The following MAST1 variants were observed in gnomAD, a reference collection of about 807,000 sequenced individuals.
MAST1 encodes the protein microtubule associated serine/threonine kinase 1, also known as microtubule-associated serine/threonine-protein kinase 1.
Under a neutral mutation model 124.6 loss-of-function variants are expected in MAST1, and 40 were observed. The ratio of observed to expected loss-of-function variants is 0.32; its 90% confidence interval spans 0.25 to 0.42. MAST1 has a LOEUF of 0.42. MAST1 is among the 10% of genes least tolerant of loss of function. MAST1 has a pLI of 1.00. For synonymous variants in MAST1, 938 were observed against 939.4 expected (o/e 1.00, Z 0.03); for missense variants, 1,558 against 2,181.9 (o/e 0.71, Z 5.70).
At chr19:12,850,361 A>ATT (rs1969946308) in intron 7 of MAST1, among the ~76,000 whole-genome samples, 1 of 152,170 alleles carries the variant, frequency 6.6e-6, no homozygotes, top group African/African-American at 2.4e-5. Context: ...CTACAGTAAA[A>ATT]CAAGTCAAAC....
At chr19:12,858,006 C>CAAAAAAAAAAA (rs539497049) in intron 10 of MAST1, among the ~76,000 whole-genome samples, 3 of 49,444 alleles carry the variant, frequency 6.1e-5, no homozygotes, top group African/African-American at 1.7e-4. Context: ...GAACCTATCT[C>CAAAAAAAAAAA]AAAAAAAAAA....
chr19:12,873,539 C>G (rs1253409535), intron 25 of MAST1, 28 bp downstream of exon 25: 1 of 1,589,428 alleles, frequency 6.3e-7, no homozygotes, highest in East Asian at 2.2e-5. Context: ...TGCGCGGGGA[C>G]CGAGCAGCGC....
chr19:12,862,762 G>A (rs1231756639), intron 12 of MAST1, among the ~76,000 whole-genome samples: 2 of 151,308 alleles, frequency 1.3e-5, no homozygotes, highest in African/African-American at 4.9e-5. Flanking sequence ...CCTCCTCCCG[G>A]GTTCAAGCGA....
intron 25 of MAST1, 41 bp from the exon 26 acceptor site, chr19:12,873,568 C>A: frequency 1.3e-6 from 2 of 1,580,302 alleles, no homozygotes; most frequent in Non-Finnish European, 1.7e-6. Context: ...CTGGCTGGTG[C>A]TTGGGCTGTA....
rs1969791085 is a variant in MAST1, at chr19:12,838,791, C to G, written c.83+136C>G. On this transcript the variant is annotated intron_variant, in intron 1 of 25. Transcript: ENST00000251472. This position sits in a 1 kb window ranked among gnomAD's most constrained non-coding sequence, Gnocchi z 4.3. The stretch of plus-strand genomic sequence containing the variant: ...GAGGTGCCCCAGCTGCGCCTTCCCG[C>G]CGGGGTTGGGGTTGAATGGGGGGTG... 1 of 753,500 alleles carries G rather than the reference C, an allele frequency of 1.3e-6. No homozygotes were observed. The highest frequency in any genetic ancestry group is 1.8e-5 in the African/African-American group (1 of 54,446). 46.7% of individuals were successfully genotyped at this position (753,500 alleles called of 1,614,324 possible). A position where few individuals can be genotyped will look rare whatever the true frequency, so the allele number is the denominator to read the frequency against.
Position 12,867,748 on chromosome 19 carries a change from C to G in MAST1, c.2337C>G (p.Ser779=), listed in dbSNP as rs777161858. Residue 779 remains serine, a synonymous_variant, in exon 20 of 26, where the codon TCC becomes TCG. Transcript: ENST00000251472. ...GSPEIKRFSA[S]EASFLEGEAS... is the part of the protein sequence containing the mutation. ...CATGCAGCAAGCGATTCTCCGCGTC[C>G]GAGGCCAGTTTCCTGGAGGGAGAGG... 13 of 1,536,510 alleles carry G rather than the reference C, an allele frequency of 8.5e-6. No homozygotes were observed. The highest frequency in any genetic ancestry group is 1.1e-5 in the Non-Finnish European group (13 of 1,141,958).
In MAST1 at chr19:12,847,648, C is replaced by A. The variant is rs1969910213; in HGVS notation, c.525C>A (p.Ile175=). 6.2e-7 allele frequency: 1 copy of A among 1,614,086 alleles called. No homozygotes were observed. Among genetic ancestry groups the A allele is most frequent in the Non-Finnish European group, 8.5e-7 (1 of 1,180,000 alleles). ...GRSPSSYDNE[I]VMMNHVYKER... ...CCCCCTCCTCCTACGACAACGAGAT[C>A]GTGATGATGAATCACGTCTACAAGG... Residue 175 remains isoleucine (I), a synonymous_variant, in exon 6 of 26, where the codon ATC becomes ATA. Transcript: ENST00000251472. The surrounding 1 kb of genome is among the most constrained non-coding windows in gnomAD (Gnocchi z 5.5).
Position 12,838,708 on chromosome 19 carries a change from G to T in MAST1, c.83+53G>T. The stretch of plus-strand genomic sequence containing the variant: ...CCCGGCCCTCCCCGCAAAAGCCGCC[G>T]CTCCGGGTACTGCTGCAGGGCGGGG... On this transcript the variant is annotated intron_variant, in intron 1 of 25. Transcript: ENST00000251472. This position sits in a 1 kb window ranked among gnomAD's most constrained non-coding sequence, Gnocchi z 4.3. 1 of 1,547,824 alleles carries T rather than the reference G, an allele frequency of 6.5e-7. No homozygotes were observed. The highest frequency in any genetic ancestry group is 8.9e-7 in the Non-Finnish European group (1 of 1,129,220).
intron 12 of MAST1, among the ~76,000 whole-genome samples, chr19:12,863,235 G>C (rs1181118885): frequency 6.6e-6 from 1 of 151,236 alleles, no homozygotes; most frequent in Non-Finnish European, 1.5e-5. Context: ...TGTGGAGAGA[G>C]CAGAATCAGG....
At position 12,843,446 on chromosome 19, in the gene MAST1, T is replaced by C; in HGVS notation, c.249-83T>C. ...ATTCCCCCAACCCCCACCCTGGCCCTGGCCAGTGGCTTCACCCACACCCTG... is the reference window on the plus strand; with the variant it reads ...ATTCCCCCAACCCCCACCCTGGCCCCGGCCAGTGGCTTCACCCACACCCTG... On this transcript the variant is annotated intron_variant, in intron 3 of 25. Coordinates refer to ENST00000251472, the MANE Select transcript of MAST1 (RefSeq NM_014975.3). The surrounding 1 kb of genome is among the most constrained non-coding windows in gnomAD (Gnocchi z 4.9). The C allele has an allele frequency of 9.4e-7, 1 of 1,060,204 alleles. No individual in the cohort carries two copies. The highest frequency in any genetic ancestry group is 1.4e-6 in the Non-Finnish European group (1 of 697,206). The allele number at this position is 1,060,204 out of a possible 1,614,324, so 65.7% of individuals were successfully genotyped here. A position where few individuals can be genotyped will look rare whatever the true frequency, so the allele number is the denominator to read the frequency against.
intron 12 of MAST1, 115 bp downstream of exon 12, chr19:12,858,854 C>G (rs974367424): frequency 1.1e-6 from 1 of 949,886 alleles, no homozygotes. Context: ...GTATGTTTAT[C>G]CATCTATTTA....
At chr19:12,840,853 A>C in intron 2 of MAST1, 138 bp from the exon 3 acceptor site, 1 of 688,078 alleles carries the variant, frequency 1.5e-6, no homozygotes, top group Non-Finnish European at 2.7e-6. Flanking sequence ...AAAAATTTAG[A>C]GAGGCGGGGC....
chr19:12,863,805 T>A (rs1599587714), intron 12 of MAST1, among the ~76,000 whole-genome samples: 1 of 152,094 alleles, frequency 6.6e-6, no homozygotes, highest in East Asian at 1.9e-4. Context: ...TTACAGTAAA[T>A]CTGGCAGAGG....
chr19:12,861,714 C>CTTTCTTTCTTTCTTTG (rs1970086237), intron 12 of MAST1, among the ~76,000 whole-genome samples: 1 of 130,282 alleles, frequency 7.7e-6, no homozygotes, highest in Non-Finnish European at 1.6e-5. Flanking sequence ...TTCTTTCTTT[C>CTTTCTTTCTTTCTTTG]TTTTTTGAGA....
Position 12,874,371 on chromosome 19 carries a change from GGGCTGTGGCCAA to G in MAST1, c.4218_4229del (p.Val1407_Ala1410del). 1 of 1,598,126 alleles carries G rather than the reference GGGCTGTGGCCAA, an allele frequency of 6.3e-7. No homozygotes were observed. The highest frequency in any genetic ancestry group is 1.7e-4 in the Middle Eastern group (1 of 6,048). On this transcript the variant is annotated inframe_deletion, in exon 26 of 26. Transcript: ENST00000251472. This position sits in a 1 kb window ranked among gnomAD's most constrained non-coding sequence, Gnocchi z 6.6. ...GAGGATGGCACTGGCGGGATGGCCA[GGGCTGTGGCCAA>G]GGCGGCGCTGAGCCCGGTGCAGGAA...
intron 1 of MAST1, among the ~76,000 whole-genome samples, 176 bp from the exon 2 acceptor site, chr19:12,840,270 G>A (rs1969809586): frequency 6.6e-6 from 1 of 152,184 alleles, no homozygotes; most frequent in South Asian, 2.1e-4. Flanking sequence ...ATCCCCTGCC[G>A]TACACAGTCC....
Position 12,843,045 on chromosome 19 carries a change from G to T in MAST1, c.249-484G>T, listed in dbSNP as rs568493906. On this transcript the variant is annotated intron_variant, in intron 3 of 25. Transcript: ENST00000251472. This position sits in a 1 kb window ranked among gnomAD's most constrained non-coding sequence, Gnocchi z 4.9. ...GCCAGTATGTGAGCCTGACCTGATA[G>T]TCACACCAACATTAATGGATTTGGC... Among the ~76,000 whole-genome samples, 2 of 152,274 alleles carry T rather than the reference G, an allele frequency of 1.3e-5. No homozygotes were observed. Among genetic ancestry groups the T allele is most frequent in the South Asian group, 4.1e-4 (2 of 4,826 alleles).
At position 12,865,860 on chromosome 19, in the gene MAST1, G is replaced by A; in HGVS notation, c.1906+42G>A. 2 of 1,603,204 alleles carry A rather than the reference G, an allele frequency of 1.2e-6. No individual in the cohort carries two copies. Among genetic ancestry groups the A allele is most frequent in the Non-Finnish European group, 1.7e-6 (2 of 1,172,494 alleles). On this transcript the variant is annotated intron_variant, in intron 16 of 25. Transcript: ENST00000251472. The surrounding 1 kb of genome is among the most constrained non-coding windows in gnomAD (Gnocchi z 7.1). ...GAGGAGCTGAGGGCCCACTGATAGA[G>A]AGCAGGCCTCCAAAACCCCAGGCCC...
chr19:12,854,164 C>G (rs1969994896), intron 10 of MAST1, among the ~76,000 whole-genome samples: 1 of 143,844 alleles, frequency 7.0e-6, no homozygotes, highest in Non-Finnish European at 1.5e-5. Context: ...ACTCTTGTTG[C>G]CCAGGCTGGA....
Sources: gnomAD v4.1 joint callset for allele counts (sites outside exome capture counted in the v4.1 genomes callset) on GRCh38, gnomAD v4.1.1 for gene constraint, Gnocchi (gnomAD v3.1) non-coding constraint, MANE v1.5 for transcripts, NCBI Gene and HGNC (gene_info 2026-07-23, HGNC 2026-07-21) for gene names.